The following ESRRA variants were observed in gnomAD, a reference collection of about 807,000 sequenced individuals.
ESRRA encodes estrogen related receptor alpha, also known as steroid hormone receptor ERR1.
Under a neutral mutation model 35.6 loss-of-function variants are expected in ESRRA, and 7 were observed. That is an observed-to-expected ratio of 0.20 (90% CI 0.11 to 0.37). ESRRA has a LOEUF of 0.37. ESRRA is among the 10% of genes least tolerant of loss of function. ESRRA has a pLI of 1.00. For synonymous variants in ESRRA, 223 were observed against 246.9 expected (o/e 0.90, Z 0.91); for missense variants, 378 against 561.7 (o/e 0.67, Z 3.31).
At chr11:64,314,391 G>T (rs1465694683) in intron 4 of ESRRA, 24 bp downstream of exon 4, 5 of 1,530,638 alleles carry the variant, frequency 3.3e-6, no homozygotes, top group Middle Eastern at 1.7e-4. Flanking sequence ...GGGTACCTGG[G>T]GCTACGAAAC....
chr11:64,314,196 C>T (rs2035194220), intron 3 of ESRRA, 43 bp from the exon 4 acceptor site: 1 of 1,581,286 alleles, frequency 6.3e-7, no homozygotes, highest in African/African-American at 1.3e-5. Flanking sequence ...CCCACCCTGC[C>T]CACAGCACCA....
intron 4 of ESRRA, 146 bp from the exon 5 acceptor site, chr11:64,314,595 A>G (rs1047995527): frequency 2.8e-5 from 26 of 935,906 alleles, no homozygotes; most frequent in Non-Finnish European, 3.9e-5. Context: ...TTTCCCTGGG[A>G]GACAGTTAGC....
Position 64,313,606 on chromosome 11 carries a change from T to C in ESRRA, c.326-345T>C, listed in dbSNP as rs1445342684. On this transcript the variant is annotated intron_variant, in intron 2 of 6. Transcript: ENST00000000442. The surrounding 1 kb of genome is among the most constrained non-coding windows in gnomAD (Gnocchi z 4.0). ...GGAAGTGATCAACAGCCTTAGATCC[T>C]CCTTTTAGGCCAAGTAACATGAGGA... is the stretch of plus-strand genomic sequence containing the variant. Among the ~76,000 whole-genome samples, 1 of 152,202 alleles carries C rather than the reference T, an allele frequency of 6.6e-6. No homozygotes were observed. Among genetic ancestry groups the C allele is most frequent in the African/African-American group, 2.4e-5 (1 of 41,442 alleles).
At position 64,307,367 on chromosome 11, in the gene ESRRA, A is replaced by T. The variant is rs1278956567; in HGVS notation, c.188A>T (p.Glu63Val). Residue 63 changes from glutamate to valine, a missense_variant, in exon 2 of 7, where the codon GAG becomes GTG. Physicochemically the swap from Glu to Val is moderately radical, Grantham distance 121. Around this residue, in one of 4 missense-constraint regions of ESRRA, gnomAD observed 87 missense variants for 92.6 expected, o/e 0.94. Coordinates refer to ENST00000000442, the MANE Select transcript of ESRRA (RefSeq NM_004451.5). Reference sequence around the variant, plus strand: ...GATGGGGAGGGGGCTGGGCCTGGCGAGCAGGGCGGTGGGAAGCTGGTGCTC... The same window carrying T: ...GATGGGGAGGGGGCTGGGCCTGGCGTGCAGGGCGGTGGGAAGCTGGTGCTC... Reference protein sequence around the residue: ...EEDGEGAGPGEQGGGKLVLSS... With the variant: ...EEDGEGAGPGVQGGGKLVLSS... 1 of 1,608,942 alleles carries T rather than the reference A, an allele frequency of 6.2e-7. No individual in the cohort carries two copies. Among genetic ancestry groups the T allele is most frequent in the African/African-American group, 1.3e-5 (1 of 74,858 alleles).
Position 64,315,951 on chromosome 11 carries a change from G to T in ESRRA, c.1257G>T (p.Glu419Asp), listed in dbSNP as rs200854407. The stretch of plus-strand genomic sequence containing the variant: ...ACAAGCTGTTCTTGGAGATGCTCGA[G>T]GCCATGATGGACTGAGGCAAGGGGT... ...PMHKLFLEML[E>D]AMMD Residue 419 changes from glutamate to aspartate, a missense_variant, in exon 7 of 7, where the codon GAG becomes GAT. Around this residue, in one of 4 missense-constraint regions of ESRRA, gnomAD observed 0 missense variants for 16.8 expected, o/e 0.00. Coordinates refer to ENST00000000442, the MANE Select transcript of ESRRA (RefSeq NM_004451.5). 9.7e-4 allele frequency: 1,522 copies of T among 1,573,054 alleles called. 2 individuals are homozygous for T. The highest frequency in any genetic ancestry group is 1.3e-3 in the Non-Finnish European group (1,462 of 1,155,532).
At chr11:64,312,378 G>A (rs1361109111) in intron 2 of ESRRA, among the ~76,000 whole-genome samples, 1 of 152,164 alleles carries the variant, frequency 6.6e-6, no homozygotes, top group East Asian at 1.9e-4. Flanking sequence ...GACCTCAGGT[G>A]ATCCACCCAC....
intron 2 of ESRRA, among the ~76,000 whole-genome samples, chr11:64,310,126 C>T (rs1365056537): frequency 1.3e-5 from 2 of 151,928 alleles, no homozygotes; most frequent in Non-Finnish European, 2.9e-5. Context: ...GAACTTGGGT[C>T]AGTATAGGTC....
chr11:64,311,845 C>T (rs2035146387), intron 2 of ESRRA, among the ~76,000 whole-genome samples: 1 of 150,864 alleles, frequency 6.6e-6, no homozygotes, highest in Non-Finnish European at 1.5e-5. Flanking sequence ...GGCACACGCC[C>T]AGCTAATTTT....
In ESRRA at chr11:64,314,931, C is replaced by G. The variant is rs113333637; in HGVS notation, c.742+20C>G. ...TCCCAGGTAAAGGGCCCAGGTGACCCGGGGCTGCCCTGAACGGGCCCGGCT... is the reference window on the plus strand; with the variant it reads ...TCCCAGGTAAAGGGCCCAGGTGACCGGGGGCTGCCCTGAACGGGCCCGGCT... On this transcript the variant is annotated intron_variant, in intron 5 of 6. Transcript: ENST00000000442. The G allele has an allele frequency of 3.7e-6, 6 of 1,609,436 alleles. No homozygotes were observed. In the South Asian group the frequency reaches 6.6e-5, roughly 18 times the overall value.
chr11:64,315,919 C>T lies in ESRRA; in HGVS notation c.1225C>T (p.Pro409Ser). The change falls in exon 7 of 7, where the codon CCC becomes TCC. Residue 409 changes from proline (P) to serine (S), a missense_variant. By Grantham distance (74) the Pro-to-Ser change is moderately conservative. Coordinates refer to ENST00000000442, the MANE Select transcript of ESRRA (RefSeq NM_004451.5). The part of the protein sequence containing the change: ...FYGVKLEGKV[P>S]MHKLFLEMLE... ...TGGGGTGAAGCTGGAGGGCAAGGTG[C>T]CCATGCACAAGCTGTTCTTGGAGAT... is the stretch of plus-strand genomic sequence containing the variant. The T allele has an allele frequency of 6.3e-7, 1 of 1,599,900 alleles. No individual in the cohort carries two copies. Among genetic ancestry groups the T allele is most frequent in the Non-Finnish European group, 8.5e-7 (1 of 1,171,766 alleles).
intron 2 of ESRRA, among the ~76,000 whole-genome samples, chr11:64,308,016 T>C (rs2035068263): frequency 6.6e-6 from 1 of 152,016 alleles, no homozygotes; most frequent in Non-Finnish European, 1.5e-5. Context: ...CTCAGCCTCC[T>C]GAGTAGCTGA....
In ESRRA at chr11:64,315,845, C is replaced by T; in HGVS notation, c.1151C>T (p.Thr384Met). 1.9e-6 allele frequency: 3 copies of T among 1,611,214 alleles called. No homozygotes were observed. The highest frequency in any genetic ancestry group is 1.9e-4 in the Middle Eastern group (1 of 5,192). ...CGGCGGGCGGGCAGGCTGCTGCTCA[C>T]GCTACCGCTCCTCCGCCAGACAGCG... ...ERRRAGRLLL[T>M]LPLLRQTAGK... The change falls in exon 7 of 7, where the codon ACG (threonine) becomes ATG (methionine). Residue 384 changes from threonine to methionine, a missense_variant. This residue lies in a region of ESRRA where 284 missense variants were observed against 411.7 expected (regional missense o/e 0.69). Coordinates refer to ENST00000000442, the MANE Select transcript of ESRRA (RefSeq NM_004451.5).
chr11:64,309,353 A>T (rs1242514931), intron 2 of ESRRA, among the ~76,000 whole-genome samples: 1 of 148,320 alleles, frequency 6.7e-6, no homozygotes, highest in Non-Finnish European at 1.5e-5. Context: ...AATTGCTTGA[A>T]CCCGGGAGGC....
rs1209856062 is a variant in ESRRA at position 64,313,111 on chromosome 11, A to G, written c.326-840A>G. Among the ~76,000 whole-genome samples, 1 of 152,142 alleles carries G rather than the reference A, an allele frequency of 6.6e-6. No individual in the cohort carries two copies. On this transcript the variant is annotated intron_variant, in intron 2 of 6. Transcript: ENST00000000442. The surrounding 1 kb of genome is among the most constrained non-coding windows in gnomAD (Gnocchi z 4.0). ...ACAGCCAAGCGAGGGGCGAGGTGACAGTGACTATCAGGTCAAGGGTGGAAG... is the reference window on the plus strand; with the variant it reads ...ACAGCCAAGCGAGGGGCGAGGTGACGGTGACTATCAGGTCAAGGGTGGAAG...
rs760223591 is a variant in ESRRA at position 64,315,799 on chromosome 11, C to T, written c.1105C>T (p.Pro369Ser). The change falls in exon 7 of 7, where the codon CCC (proline) becomes TCC (serine). Residue 369 changes from proline to serine, a missense_variant. By Grantham distance (74) the Pro-to-Ser change is moderately conservative. This residue lies in a region of ESRRA where 284 missense variants were observed against 411.7 expected (regional missense o/e 0.69). Coordinates refer to ENST00000000442, the MANE Select transcript of ESRRA (RefSeq NM_004451.5). ...GGAGTATGAAGCCGGCCGGGCTGGCCCCGGAGGGGGTGCTGAGCGGCGGCG... is the reference window on the plus strand; with the variant it reads ...GGAGTATGAAGCCGGCCGGGCTGGCTCCGGAGGGGGTGCTGAGCGGCGGCG... ...LLEYEAGRAG[P>S]GGGAERRRAG... 3 of 1,613,048 alleles carry T rather than the reference C, an allele frequency of 1.9e-6. No individual in the cohort carries two copies. Among genetic ancestry groups the T allele is most frequent in the Non-Finnish European group, 1.7e-6 (2 of 1,179,518 alleles).
At chr11:64,312,435 C>T (rs1023752946) in intron 2 of ESRRA, among the ~76,000 whole-genome samples, 1 of 152,192 alleles carries the variant, frequency 6.6e-6, no homozygotes, top group East Asian at 1.9e-4. Flanking sequence ...CCACCGTGCC[C>T]GGCCGTGGTG....
chr11:64,314,975 C>T (rs753553188), intron 5 of ESRRA, 26 bp from the exon 6 acceptor site: 3 of 1,589,892 alleles, frequency 1.9e-6, no homozygotes, highest in South Asian at 1.1e-5. Flanking sequence ...CTTGCTCAGC[C>T]AGGCCCGCTC....
chr11:64,314,657 G>T (rs372562185), intron 4 of ESRRA, 84 bp from the exon 5 acceptor site: 3 of 1,390,390 alleles, frequency 2.2e-6, no homozygotes, highest in African/African-American at 1.4e-5. Context: ...GAAGGCCACA[G>T]GGGGAGCCAC....
rs771412416 is a variant in ESRRA at position 64,315,704 on chromosome 11, C to T, written c.1013-3C>T. 6.8e-6 allele frequency: 11 copies of T among 1,613,588 alleles called. No individual in the cohort carries two copies. The South Asian group carries it at 1.1e-4, about 16-fold the overall frequency. On this transcript the variant is annotated splice_polypyrimidine_tract_variant and splice_region_variant and intron_variant, in intron 6 of 6. Transcript: ENST00000000442. ...CCAACACCACATTCCTCTCTTCTTGCAGACTCTGTGCACATCGAAGATGCC... is the reference window on the plus strand; with the variant it reads ...CCAACACCACATTCCTCTCTTCTTGTAGACTCTGTGCACATCGAAGATGCC...
Sources: gnomAD v4.1 joint callset for allele counts (sites outside exome capture counted in the v4.1 genomes callset) on GRCh38, gnomAD v4.1.1 for gene constraint, gnomAD v4.1.1 regional missense constraint, Gnocchi (gnomAD v3.1) non-coding constraint, MANE v1.5 for transcripts, NCBI Gene and HGNC (gene_info 2026-07-23, HGNC 2026-07-21) for gene names.